ENOX1: variants seen among roughly 807,000 people sequenced by gnomAD.
ENOX1 encodes the protein candidate growth-related and time keeping constitutive hydroquinone (NADH) oxidase.
In ENOX1, 42 loss-of-function variants were observed where a neutral mutation model predicts 82.5. The observed-to-expected ratio is 0.51, with a 90% CI of 0.40 to 0.66. The LOEUF is 0.66. Ranked by LOEUF, ENOX1 falls within the 30% of genes least tolerant of loss-of-function variation. ENOX1 has a pLI of 0.00. For synonymous variants in ENOX1, 271 were observed against 282.2 expected (o/e 0.96, Z 0.40); for missense variants, 608 against 811.6 (o/e 0.75, Z 3.05).
intron 2 of ENOX1, among the ~76,000 whole-genome samples, chr13:43,570,068 A>G (rs574937662): frequency 6.6e-6 from 1 of 152,334 alleles, no homozygotes; most frequent in East Asian, 1.9e-4. Flanking sequence ...GACACATTCA[A>G]TATAACTGAG....
At chr13:43,742,714 G>A (rs1007884982) in intron 1 of ENOX1, among the ~76,000 whole-genome samples, 2 of 152,200 alleles carry the variant, frequency 1.3e-5, no homozygotes, top group Non-Finnish European at 2.9e-5. Context: ...GCTCAACCAA[G>A]AGAGTAGCAC....
chr13:43,756,762 G>A (rs1950664213), intron 1 of ENOX1, among the ~76,000 whole-genome samples: 1 of 151,992 alleles, frequency 6.6e-6, no homozygotes. Flanking sequence ...TCTGCATTAT[G>A]CATGTTACAA....
intron 11 of ENOX1, among the ~76,000 whole-genome samples, chr13:43,318,999 G>C (rs1316282156): frequency 6.6e-6 from 1 of 152,104 alleles, no homozygotes; most frequent in Admixed American, 6.5e-5. Flanking sequence ...GAGTGGAAAA[G>C]GGTAAGGGAG....
At chr13:43,750,619 CT>C (rs1225349290) in intron 1 of ENOX1, among the ~76,000 whole-genome samples, 1 of 152,126 alleles carries the variant, frequency 6.6e-6, no homozygotes, top group Admixed American at 6.5e-5. Context: ...GATCTGGAAC[CT>C]TTTGTCAAAC....
intron 2 of ENOX1, among the ~76,000 whole-genome samples, chr13:43,493,528 G>A (rs1429832859): frequency 6.6e-6 from 1 of 152,220 alleles, no homozygotes. Flanking sequence ...CCCAGAAAGA[G>A]CGAGAATTCA....
At chr13:43,675,769 C>T (rs1363246036) in intron 1 of ENOX1, among the ~76,000 whole-genome samples, 1 of 152,110 alleles carries the variant, frequency 6.6e-6, no homozygotes, top group Non-Finnish European at 1.5e-5. Flanking sequence ...TACATCACAC[C>T]CTCTGCCTAT....
chr13:43,600,305 C>A (rs1436820887), intron 2 of ENOX1, among the ~76,000 whole-genome samples: 1 of 152,150 alleles, frequency 6.6e-6, no homozygotes, highest in Non-Finnish European at 1.5e-5. Flanking sequence ...AAGTTCACTG[C>A]CCTGAAGGGA....
intron 1 of ENOX1, among the ~76,000 whole-genome samples, chr13:43,779,009 G>C (rs1325937729): frequency 6.6e-6 from 1 of 152,032 alleles, no homozygotes; most frequent in Non-Finnish European, 1.5e-5. Flanking sequence ...ACTCATGATT[G>C]TCTGAGCAGT....
chr13:43,605,492 AG>A (rs952024956), intron 2 of ENOX1, among the ~76,000 whole-genome samples: 1 of 152,206 alleles, frequency 6.6e-6, no homozygotes, highest in Non-Finnish European at 1.5e-5. Context: ...TAGAGAACCC[AG>A]AAACAAATCC....
chr13:43,643,251 C>T (rs1449930394), intron 2 of ENOX1, among the ~76,000 whole-genome samples: 1 of 152,092 alleles, frequency 6.6e-6, no homozygotes, highest in Non-Finnish European at 1.5e-5. Context: ...GTTCCCCCAC[C>T]GTCTACCTCC....
intron 14 of ENOX1, among the ~76,000 whole-genome samples, chr13:43,237,161 T>C (rs990831020): frequency 1.3e-5 from 2 of 152,230 alleles, no homozygotes; most frequent in African/African-American, 4.8e-5. Context: ...ATAGGGCCTA[T>C]TGGGGAGCTA....
At chr13:43,219,380 C>T (rs578045486) in intron 16 of ENOX1, among the ~76,000 whole-genome samples, 6 of 152,288 alleles carry the variant, frequency 3.9e-5, no homozygotes, top group East Asian at 1.9e-4. Context: ...TTTCCCCATA[C>T]ACCATGTATT....
At chr13:43,465,463 C>T (rs2057677241) in intron 3 of ENOX1, among the ~76,000 whole-genome samples, 1 of 151,914 alleles carries the variant, frequency 6.6e-6, no homozygotes, top group South Asian at 2.1e-4. Flanking sequence ...TTTTTTAGGG[C>T]ATACCATGTG....
chr13:43,506,443 C>G (rs2077167206), intron 2 of ENOX1, among the ~76,000 whole-genome samples: 1 of 146,736 alleles, frequency 6.8e-6, no homozygotes, highest in Non-Finnish European at 1.5e-5. Context: ...CCTCAGGGAT[C>G]TAGAACTAGA....
chr13:43,593,992 TTG>T (rs2081356007), intron 2 of ENOX1, among the ~76,000 whole-genome samples: 1 of 152,076 alleles, frequency 6.6e-6, no homozygotes, highest in South Asian at 2.1e-4. Context: ...ACCTAAGTGA[TTG>T]TCTCTTACTG....
intron 11 of ENOX1, among the ~76,000 whole-genome samples, chr13:43,307,243 T>G (rs1440998789): frequency 6.6e-6 from 1 of 152,152 alleles, no homozygotes; most frequent in African/African-American, 2.4e-5. Context: ...ATAGAAAGTA[T>G]CTGCATCCTC....
At chr13:43,262,670 G>A (rs1006221386) in intron 14 of ENOX1, among the ~76,000 whole-genome samples, 3 of 152,012 alleles carry the variant, frequency 2.0e-5, no homozygotes, top group Non-Finnish European at 4.4e-5. Flanking sequence ...GGGACTACAG[G>A]TGCGCCATGT....
chr13:43,233,769 T>A (rs760884310), intron 15 of ENOX1, among the ~76,000 whole-genome samples: 3 of 152,186 alleles, frequency 2.0e-5, no homozygotes, highest in Non-Finnish European at 2.9e-5. Context: ...CATGCAGATA[T>A]GATGAAGATT....
At chr13:43,342,791 T>C (rs144357610) in intron 9 of ENOX1, among the ~76,000 whole-genome samples, 72 of 152,356 alleles carry the variant, frequency 4.7e-4, no homozygotes, top group African/African-American at 1.7e-3. Context: ...CAAAAAGTAT[T>C]TGTAGTCCCA....
Sources: gnomAD v4.1 joint callset for allele counts (sites outside exome capture counted in the v4.1 genomes callset) on GRCh38, gnomAD v4.1.1 for gene constraint, MANE v1.5 for transcripts, NCBI Gene and HGNC (gene_info 2026-07-23, HGNC 2026-07-21) for gene names.